Variants in RET observed in about 807,000 individuals in gnomAD.
The protein encoded by RET is ret proto-oncogene, also known as proto-oncogene tyrosine-protein kinase receptor Ret.
A neutral mutation model predicts 118.3 loss-of-function variants in RET; 19 were observed. The ratio of observed to expected loss-of-function variants is 0.16; its 90% CI spans 0.11 to 0.24. The LOEUF (loss-of-function observed/expected upper bound fraction) is 0.24. RET is among the 10% of genes least tolerant of loss of function. The pLI, the probability that RET is intolerant of heterozygous loss-of-function variation, is 1.00. For synonymous variants in RET, 597 were observed against 644.1 expected (o/e 0.93, Z 1.11); for missense variants, 1,219 against 1,502.1 (o/e 0.81, Z 3.12).
intron 12 of RET, among the ~76,000 whole-genome samples, chr10:43,117,819 T>C (rs1838107783): frequency 6.6e-6 from 1 of 152,186 alleles, no homozygotes; most frequent in Non-Finnish European, 1.5e-5. Flanking sequence ...CAGGTGCTAA[T>C]GTGGGTCTTC....
chr10:43,115,131 T>C (rs1373368926), intron 11 of RET, among the ~76,000 whole-genome samples: 1 of 152,072 alleles, frequency 6.6e-6, no homozygotes, highest in African/African-American at 2.4e-5. Context: ...GCCTCTGCCC[T>C]CTCCTGGTGG....
rs760322514 is a variant in RET at position 43,106,458 on chromosome 10, C to G, written c.950C>G (p.Thr317Arg). Residue 317 changes from threonine to arginine, a missense_variant, in exon 5 of 20, where the codon ACG (threonine) becomes AGG (arginine). By Grantham distance (71) the Thr-to-Arg change is moderately conservative (BLOSUM62 -1). This residue lies in a region of RET where 850 missense variants were observed against 969.6 expected (regional missense o/e 0.88). Coordinates refer to ENST00000355710, the MANE Select transcript of RET (RefSeq NM_020975.6). This position sits in a 1 kb window ranked among gnomAD's most constrained non-coding sequence, Gnocchi z 5.1. ...GAGCTGGTGAGGCGGTACACAAGCA[C>G]GCTGCTCCCCGGGGACACCTGGGCC... ...SGELVRRYTSTLLPGDTWAQQ... is the reference protein window; with the variant it reads ...SGELVRRYTSRLLPGDTWAQQ... 6 of 1,613,406 alleles carry G rather than the reference C, an allele frequency of 3.7e-6. No homozygotes were observed. The highest frequency in any genetic ancestry group is 5.1e-6 in the Non-Finnish European group (6 of 1,179,764).
intron 19 of RET, chr10:43,126,998 A>C: frequency 7.4e-7 from 1 of 1,360,472 alleles, no homozygotes. Context: ...CGGAACTCTC[A>C]GGGGAGACCA....
intron 15 of RET, among the ~76,000 whole-genome samples, chr10:43,121,176 C>G (rs575264330): frequency 6.6e-6 from 1 of 152,312 alleles, no homozygotes; most frequent in South Asian, 2.1e-4. Context: ...GGGAGAGAAG[C>G]TGAAGGCATT....
At chr10:43,101,097 C>T (rs961974973) in intron 2 of RET, among the ~76,000 whole-genome samples, 2 of 152,210 alleles carry the variant, frequency 1.3e-5, no homozygotes, top group African/African-American at 4.8e-5. Context: ...TCTGGAGAAG[C>T]GGCAGTTCCC....
At chr10:43,125,766 G>A (rs573608481) in intron 18 of RET, among the ~76,000 whole-genome samples, 11 of 152,338 alleles carry the variant, frequency 7.2e-5, no homozygotes, top group Admixed American at 7.2e-4. Flanking sequence ...CATTTACTGA[G>A]TTGTCACTTC....
At chr10:43,107,350 ATT>A (rs1413843449) in intron 5 of RET, among the ~76,000 whole-genome samples, 1 of 151,838 alleles carries the variant, frequency 6.6e-6, no homozygotes, top group Non-Finnish European at 1.5e-5. Context: ...CCCTCCCATC[ATT>A]GTTTCCACCA....
intron 3 of RET, among the ~76,000 whole-genome samples, chr10:43,103,904 G>A (rs1837697620): frequency 6.6e-6 from 1 of 152,232 alleles, no homozygotes; most frequent in Non-Finnish European, 1.5e-5. Context: ...GGGGTGGGTT[G>A]TGGGGTCTTC....
Position 43,114,187 on chromosome 10 carries a change from G to A in RET, c.1880-293G>A, listed in dbSNP as rs1161642261. Reference sequence around the variant, plus strand: ...TTTGACCTCCCCTGCCAGCCCTCCAGTGCCAGCTGGTGTAATGAGCACAGC... The same window carrying A: ...TTTGACCTCCCCTGCCAGCCCTCCAATGCCAGCTGGTGTAATGAGCACAGC... On this transcript the variant is annotated intron_variant, in intron 10 of 19. Coordinates refer to ENST00000355710, the MANE Select transcript of RET (RefSeq NM_020975.6). This position sits in a 1 kb window ranked among gnomAD's most constrained non-coding sequence, Gnocchi z 4.6. 1.3e-5 allele frequency among the ~76,000 whole-genome samples: 2 copies of A among 152,294 alleles called. No individual in the cohort carries two copies. Among genetic ancestry groups the A allele is most frequent in the Middle Eastern group, 3.4e-3 (1 of 294 alleles).
intron 1 of RET, among the ~76,000 whole-genome samples, chr10:43,090,633 A>G (rs1232565939): frequency 1.3e-5 from 2 of 152,198 alleles, no homozygotes; most frequent in Non-Finnish European, 2.9e-5. Flanking sequence ...CTGTGTTGGT[A>G]TAAGACAAAC....
chr10:43,099,756 G>A (rs117266791), intron 1 of RET, among the ~76,000 whole-genome samples: 12 of 152,236 alleles, frequency 7.9e-5, no homozygotes, highest in East Asian at 1.9e-4. Context: ...CCTAACATCC[G>A]TCCAGAATCA....
At chr10:43,109,302 T>A in intron 6 of RET, 72 bp downstream of exon 6, 1 of 1,457,574 alleles carries the variant, frequency 6.9e-7, no homozygotes. Flanking sequence ...GGGAGGCAGG[T>A]GACACTGCCT....
At chr10:43,100,759 C>A (rs2132666641) in intron 2 of RET, 37 bp downstream of exon 2, 1 of 1,547,864 alleles carries the variant, frequency 6.5e-7, no homozygotes, top group Non-Finnish European at 8.7e-7. Flanking sequence ...CCGTGCCCCA[C>A]CCCACCCCTT....
chr10:43,077,469 T>C, intron 1 of RET, 138 bp downstream of exon 1: 1 of 1,176,856 alleles, frequency 8.5e-7, no homozygotes, highest in African/African-American at 1.6e-5. Context: ...CGGCCTCGGC[T>C]GGGAGCGCAG....
rs763296134 is a variant in RET at position 43,111,383 on chromosome 10, A to T, written c.1440A>T (p.Glu480Asp). Residue 480 changes from glutamate (E) to aspartate (D), a missense_variant, in exon 7 of 20, where the codon GAA becomes GAT. Physicochemically the swap from Glu to Asp is conservative, Grantham distance 45. This residue lies in a region of RET where 850 missense variants were observed against 969.6 expected (regional missense o/e 0.88). Coordinates refer to ENST00000355710, the MANE Select transcript of RET (RefSeq NM_020975.6). ...TKALRRPKCA[E>D]LHYMVVATDQ... is the part of the protein sequence containing the mutation. ...CCCTGCGGCGGCCCAAGTGTGCCGA[A>T]CTTCACTACATGGTGGTGGCCACCG... is the stretch of plus-strand genomic sequence containing the variant. The T allele has an allele frequency of 3.7e-6, 6 of 1,613,904 alleles. No homozygotes were observed.
At chr10:43,102,028 C>A (rs1837652290) in intron 2 of RET, among the ~76,000 whole-genome samples, 1 of 152,204 alleles carries the variant, frequency 6.6e-6, no homozygotes, top group Admixed American at 6.5e-5. Flanking sequence ...TGCTGGTCAC[C>A]CCTTACTGGA....
Position 43,106,266 on chromosome 10 carries a change from T to C in RET, c.868-110T>C, listed in dbSNP as rs1837771813. ...AGACCTGGCTCTGACAACACACATC[T>C]GGTCCACCTATGGGCTGTGTGGGAC... is the stretch of plus-strand genomic sequence containing the variant. On this transcript the variant is annotated intron_variant, in intron 4 of 19. Coordinates refer to ENST00000355710, the MANE Select transcript of RET (RefSeq NM_020975.6). This position sits in a 1 kb window ranked among gnomAD's most constrained non-coding sequence, Gnocchi z 5.1. 31 of 1,078,168 alleles carry C rather than the reference T, an allele frequency of 2.9e-5. 1 individual carries two copies. The South Asian group carries it at 4.1e-4, about 14-fold the overall frequency. The allele number at this position is 1,078,168 out of a possible 1,614,324, so 66.8% of individuals were successfully genotyped here. A position where few individuals can be genotyped will look rare whatever the true frequency, so the allele number is the denominator to read the frequency against.
At chr10:43,085,582 C>T (rs746539203) in intron 1 of RET, among the ~76,000 whole-genome samples, 3 of 152,164 alleles carry the variant, frequency 2.0e-5, no homozygotes, top group Non-Finnish European at 4.4e-5. Flanking sequence ...ATAGACATCA[C>T]GTGGACTCAA....
At chr10:43,109,263 A>T (rs759657071) in intron 6 of RET, 33 bp downstream of exon 6, 2 of 1,603,116 alleles carry the variant, frequency 1.2e-6, no homozygotes, top group Non-Finnish European at 8.5e-7. Flanking sequence ...TCTGGGGAAG[A>T]TTGAAAGGCC....
Sources: gnomAD v4.1 joint callset for allele counts (sites outside exome capture counted in the v4.1 genomes callset) on GRCh38, gnomAD v4.1.1 for gene constraint, gnomAD v4.1.1 regional missense constraint, Gnocchi (gnomAD v3.1) non-coding constraint, MANE v1.5 for transcripts, NCBI Gene and HGNC (gene_info 2026-07-23, HGNC 2026-07-21) for gene names.